The following PHEX variants were observed in gnomAD, a reference collection of about 807,000 sequenced individuals.
PHEX encodes phosphate-regulating neutral endopeptidase PHEX.
Under a neutral mutation model 68.0 loss-of-function variants are expected in PHEX, and 16 were observed. The observed-to-expected ratio is 0.24, with a 90% confidence interval of 0.16 to 0.36. PHEX has a LOEUF of 0.36. Ranked by LOEUF, PHEX falls within the 10% of genes least tolerant of loss-of-function variation. The pLI is 1.00. For missense variants in PHEX, 480 were observed against 575.5 expected, an observed-to-expected ratio of 0.83 and a Z score of 1.70; for synonymous variants, 208 against 205.1, an observed-to-expected ratio of 1.01 and a Z score of -0.12.
rs745474280 is a variant in PHEX, at chrX:22,232,596, C to CTTTTTTTTTTTTTTTTTT, written c.2070+4998_2070+5015dup. Among the ~76,000 whole-genome samples, 29 of 18,551 alleles carry CTTTTTTTTTTTTTTTTTT rather than the reference C, an allele frequency of 1.6e-3. 9 individuals are homozygous for CTTTTTTTTTTTTTTTTTT. The highest frequency in any genetic ancestry group is 2.3e-3 in the Non-Finnish European group (22 of 9,734). 16.1% of individuals were successfully genotyped at this position (18,551 alleles called of 115,157 possible). On this transcript the variant is annotated intron_variant, in intron 20 of 21. Coordinates refer to ENST00000379374, the MANE Select transcript of PHEX (RefSeq NM_000444.6). Reference sequence around the variant, plus strand: ...TCAGAGATTAGGATTGCCACTTCTGCTTTTTTTTTTTTTTTTTTTTTTTTT... The same window carrying CTTTTTTTTTTTTTTTTTT: ...TCAGAGATTAGGATTGCCACTTCTGCTTTTTTTTTTTTTTTTTTTTTTTTTTTTTTTTTTTTTTTTTTT...
chrX:22,112,719 G>A (rs934526344), intron 10 of PHEX, among the ~76,000 whole-genome samples: 2 of 110,431 alleles, frequency 1.8e-5, no homozygotes, highest in East Asian at 2.9e-4. Flanking sequence ...CCTGGCCAAC[G>A]TGGTGAAACC....
chrX:22,239,838 C>T (rs924115063), intron 20 of PHEX, among the ~76,000 whole-genome samples: 6 of 111,426 alleles, frequency 5.4e-5, no homozygotes, highest in Non-Finnish European at 1.1e-4. Context: ...TCCAGGAGAA[C>T]GTCCCCAACC....
Position 22,250,974 on chromosome X carries a change from A to G in PHEX, c.*3021A>G, listed in dbSNP as rs1390786989. On this transcript the variant is annotated 3_prime_UTR_variant, in exon 22 of 22. Transcript: ENST00000379374. ...GTAGTCTTTGGGCTTTGGTCTACTG[A>G]CCTGTGGATTAAACTCTATCCCTTA... 8.9e-6 allele frequency: 1 copy of G among 111,959 alleles called. No homozygotes were observed. Among genetic ancestry groups the G allele is most frequent in the African/African-American group, 3.2e-5 (1 of 30,811 alleles). The allele number at this position is 111,959 out of a possible 1,213,427, so 9.2% of individuals were successfully genotyped here. A position where few individuals can be genotyped will look rare whatever the true frequency, so the allele number is the denominator to read the frequency against.
chrX:22,116,124 C>T (rs982446616), intron 11 of PHEX, among the ~76,000 whole-genome samples: 23 of 111,591 alleles, frequency 2.1e-4, no homozygotes, highest in African/African-American at 7.2e-4. Context: ...CCAACACTTA[C>T]CTCTTAAATT....
At chrX:22,227,783 A>ATAAT (rs757784997) in intron 20 of PHEX, among the ~76,000 whole-genome samples, 172 bp downstream of exon 20, 2 of 112,625 alleles carry the variant, frequency 1.8e-5, no homozygotes, top group South Asian at 7.4e-4. Context: ...TCTGTAGTAC[A>ATAAT]TAATTAATTA....
At chrX:22,165,230 C>T (rs1933272024) in intron 12 of PHEX, among the ~76,000 whole-genome samples, 1 of 111,362 alleles carries the variant, frequency 9.0e-6, no homozygotes, top group Non-Finnish European at 1.9e-5. Flanking sequence ...TTGCCTAGGT[C>T]TTATGTTGGG....
intron 9 of PHEX, among the ~76,000 whole-genome samples, chrX:22,106,626 G>A (rs1930703687): frequency 9.1e-6 from 1 of 110,239 alleles, no homozygotes; most frequent in Non-Finnish European, 1.9e-5. Flanking sequence ...AAAAAAAAAT[G>A]TGCTGAGCAC....
chrX:22,178,092 A>G (rs953743430), intron 13 of PHEX, among the ~76,000 whole-genome samples, 181 bp from the exon 14 acceptor site: 1 of 112,338 alleles, frequency 8.9e-6, no homozygotes, highest in Non-Finnish European at 1.9e-5. Flanking sequence ...TTTTTACGTT[A>G]ACAAAATCAC....
Position 22,219,159 on chromosome X carries a change from G to T in PHEX, c.1768+56G>T, listed in dbSNP as rs778734927. 5 of 754,157 alleles carry T rather than the reference G, an allele frequency of 6.6e-6. No homozygotes were observed. Among genetic ancestry groups the T allele is most frequent in the Non-Finnish European group, 1.0e-5 (5 of 480,065 alleles). 62.2% of individuals were successfully genotyped at this position (754,157 alleles called of 1,213,427 possible). ...CTTTTATAATAATGTTGACTATATG[G>T]ATGTTAATTGTTATGATTATCTTTG... On this transcript the variant is annotated intron_variant, in intron 17 of 21. Transcript: ENST00000379374.
chrX:22,189,701 G>T (rs1414480832), intron 14 of PHEX, among the ~76,000 whole-genome samples: 1 of 112,592 alleles, frequency 8.9e-6, no homozygotes, highest in Non-Finnish European at 1.9e-5. Context: ...TGCCTGTAAA[G>T]CCTAAAATAT....
Position 22,090,453 on chromosome X carries a change from G to A in PHEX, c.688G>A (p.Ala230Thr). 1 of 1,208,901 alleles carries A rather than the reference G, an allele frequency of 8.3e-7. No homozygotes were observed. The change falls in exon 6 of 22, where the codon GCC (alanine) becomes ACC (threonine). Residue 230 changes from alanine (A) to threonine (T), a missense_variant. Ala to Thr is a moderately conservative substitution (Grantham distance 58). Transcript: ENST00000379374. Reference sequence around the variant, plus strand: ...GCTGGACCAAGCAACACTCTCCCTGGCCGTGAGGGAAGACTACCTTGATAA... The same window carrying A: ...GCTGGACCAAGCAACACTCTCCCTGACCGTGAGGGAAGACTACCTTGATAA... ...LKLDQATLSL[A>T]VREDYLDNST...
chrX:22,230,447 T>G lies in PHEX; in HGVS notation c.2070+2836T>G, dbSNP rs142323839. On this transcript the variant is annotated intron_variant, in intron 20 of 21. Coordinates refer to ENST00000379374, the MANE Select transcript of PHEX (RefSeq NM_000444.6). ...TTCCATTGGTTTGTGTTCTCTCTTA[T>G]TTCCTTGAGCAGTGGTTTGTAGTTA... is the stretch of plus-strand genomic sequence containing the variant. 6.0e-3 allele frequency among the ~76,000 whole-genome samples: 540 copies of G among 90,421 alleles called. 2 individuals are homozygous for G. Among genetic ancestry groups the G allele is most frequent in the African/African-American group, 0.023 (520 of 22,841 alleles). The allele number at this position is 90,421 out of a possible 115,157, so 78.5% of individuals were successfully genotyped here. A position where few individuals can be genotyped will look rare whatever the true frequency, so the allele number is the denominator to read the frequency against.
intron 12 of PHEX, among the ~76,000 whole-genome samples, chrX:22,149,474 C>T (rs1438795844): frequency 3.5e-5 from 4 of 112,752 alleles, no homozygotes; most frequent in South Asian, 3.6e-4. Context: ...AGGCTGGGCC[C>T]GTGGCTCATG....
chrX:22,243,176 G>A (rs1475402169), intron 20 of PHEX, among the ~76,000 whole-genome samples: 3 of 111,729 alleles, frequency 2.7e-5, no homozygotes, highest in Admixed American at 9.5e-5. Context: ...AACAAGAAAT[G>A]GGGAAAAGAT....
chrX:22,182,939 TC>T (rs1933924148), intron 14 of PHEX, among the ~76,000 whole-genome samples: 3 of 112,058 alleles, frequency 2.7e-5, no homozygotes, highest in African/African-American at 9.7e-5. Context: ...AATTTATTGC[TC>T]CCCCTTGATG....
intron 15 of PHEX, among the ~76,000 whole-genome samples, chrX:22,205,918 T>C (rs1934697895): frequency 8.9e-6 from 1 of 112,326 alleles, no homozygotes; most frequent in African/African-American, 3.2e-5. Context: ...TAATTTTCTC[T>C]TTCCAGCATA....
chrX:22,104,463 A>G (rs1404862667), intron 9 of PHEX, among the ~76,000 whole-genome samples: 1 of 111,084 alleles, frequency 9.0e-6, no homozygotes, highest in African/African-American at 3.3e-5. Context: ...GGGTGGGGTA[A>G]GGAGGTAGTG....
intron 18 of PHEX, among the ~76,000 whole-genome samples, chrX:22,222,808 T>C (rs1190669465): frequency 4.5e-5 from 5 of 111,856 alleles, no homozygotes; most frequent in Admixed American, 9.5e-5. Context: ...TATTACTAAG[T>C]GTACAGGTTT....
chrX:22,188,836 A>G (rs1225139231), intron 14 of PHEX, among the ~76,000 whole-genome samples: 4 of 111,552 alleles, frequency 3.6e-5, no homozygotes, highest in Non-Finnish European at 5.6e-5. Flanking sequence ...GCTATCAAAT[A>G]CTAGGTCTTA....
Sources: allele counts gnomAD v4.1 joint callset (sites outside exome capture counted in the v4.1 genomes callset), GRCh38; gene constraint gnomAD v4.1.1; transcripts MANE v1.5; gene names NCBI Gene and HGNC (gene_info 2026-07-23, HGNC 2026-07-21).